Variants in HHIPL1 observed in about 807,000 individuals in gnomAD.
The protein encoded by HHIPL1 is HHIP like 1, also known as HHIP-like protein 1.
A neutral mutation model predicts 61.8 loss-of-function variants in HHIPL1; 43 were observed. That is an observed-to-expected ratio of 0.70 (90% CI 0.55 to 0.90). The LOEUF (loss-of-function observed/expected upper bound fraction) is 0.90, where lower values mean the gene tolerates loss of function less well. HHIPL1 is among the 40% of genes least tolerant of loss of function. The probability of loss-of-function intolerance (pLI) is 0.00; values close to 1 mark genes in which losing one functional copy is unlikely to be tolerated. For synonymous variants in HHIPL1, 482 were observed against 515.8 expected, an observed-to-expected ratio of 0.93 and a Z score of 0.89; for missense variants, 1,056 against 1,157.7, an observed-to-expected ratio of 0.91 and a Z score of 1.28.
chr14:99,627,811 A>AGGTCC, the HHIPL1 span, among the ~76,000 whole-genome samples: 1 of 152,076 alleles, frequency 6.6e-6, no homozygotes, highest in African/African-American at 2.4e-5. The surrounding 1 kb of genome is among the most constrained non-coding windows in gnomAD (Gnocchi z 4.4). Context: ...GCAGCAGGAC[A>AGGTCC]CACAAATGCA....
chr14:99,662,213 ACC>A (rs3070457), intron 5 of HHIPL1, among the ~76,000 whole-genome samples: 1 of 146,150 alleles, frequency 6.8e-6, no homozygotes, highest in Non-Finnish European at 1.5e-5. Flanking sequence ...CTGCACTGCA[ACC>A]CCAGAGAGCC....
the HHIPL1 span, among the ~76,000 whole-genome samples, chr14:99,637,444 T>G: frequency 3.3e-5 from 5 of 151,740 alleles, no homozygotes; most frequent in East Asian, 1.9e-4. Flanking sequence ...TGATGGCGGG[T>G]GCCTCTAATC....
In HHIPL1 at chr14:99,675,175, C is replaced by G. The variant is rs1005153560; in HGVS notation, c.1898C>G (p.Ala633Gly). 2 of 1,122,948 alleles carry G rather than the reference C, an allele frequency of 1.8e-6. No individual in the cohort carries two copies. Among genetic ancestry groups the G allele is most frequent in the African/African-American group, 3.4e-5 (2 of 59,296 alleles). 69.6% of individuals were successfully genotyped at this position (1,122,948 alleles called of 1,614,324 possible). Reference sequence around the variant, plus strand: ...CCCCGCCGAGGGCGCCCCACGGCCGCTCCCCCCGCGCCAACCCCGCGGCCA... The same window carrying G: ...CCCCGCCGAGGGCGCCCCACGGCCGGTCCCCCCGCGCCAACCCCGCGGCCA... ...RAPRRGRPTA[A>G]PPAPTPRPAR... Residue 633 changes from alanine to glycine, a missense_variant, in exon 9 of 9, where the codon GCT becomes GGT. Coordinates refer to ENST00000330710, the MANE Select transcript of HHIPL1 (RefSeq NM_001127258.3). This position sits in a 1 kb window ranked among gnomAD's most constrained non-coding sequence, Gnocchi z 5.4.
chr14:99,637,102 A>G, the HHIPL1 span, among the ~76,000 whole-genome samples: 2,613 of 130,980 alleles, frequency 0.02, 256 homozygotes, highest in African/African-American at 0.07. Flanking sequence ...GAAGGAAGGA[A>G]AAAAGAAAGA....
chr14:99,652,526 G>A lies in HHIPL1; in HGVS notation c.558G>A (p.Leu186=). 1 of 1,613,532 alleles carries A rather than the reference G, an allele frequency of 6.2e-7. No homozygotes were observed. The highest frequency in any genetic ancestry group is 8.5e-7 in the Non-Finnish European group (1 of 1,180,034). The change falls in exon 2 of 9, where the codon CTG becomes CTA. Residue 186 remains leucine (L), a synonymous_variant. Coordinates refer to ENST00000330710, the MANE Select transcript of HHIPL1 (RefSeq NM_001127258.3). The stretch of plus-strand genomic sequence containing the variant: ...CCAAGGGCTGCCTGCAGCTGTGCCT[G>A]GAGGAGGTGGCCAACGGGCTGCGCA... ...ADAKGCLQLC[L]EEVANGLRNP...
chr14:99,656,828 AAAGAAAGAAAGG>A (rs1251339971), intron 2 of HHIPL1, among the ~76,000 whole-genome samples, 160 bp from the exon 3 acceptor site: 2 of 12,272 alleles, frequency 1.6e-4, no homozygotes, highest in African/African-American at 2.3e-4. Flanking sequence ...AGAAAGAAAG[AAAGAAAGAAAGG>A]AAGGAAGGAA....
chr14:99,606,845 C>G, the HHIPL1 span, among the ~76,000 whole-genome samples: 236 of 152,068 alleles, frequency 1.6e-3, no homozygotes, highest in African/African-American at 5.5e-3. Context: ...CAGGACAGGA[C>G]CAGAGGAGGT....
chr14:99,646,265 C>A (rs182092598), intron 1 of HHIPL1, among the ~76,000 whole-genome samples: 7 of 152,366 alleles, frequency 4.6e-5, no homozygotes, highest in Admixed American at 2.6e-4. Flanking sequence ...TGGAGCAGGA[C>A]GGGCAGCCCC....
At position 99,668,227 on chromosome 14, in the gene HHIPL1, C is replaced by T; in HGVS notation, c.1654C>T (p.Leu552=). 1 of 1,604,852 alleles carries T rather than the reference C, an allele frequency of 6.2e-7. No homozygotes were observed. Among genetic ancestry groups the T allele is most frequent in the South Asian group, 1.1e-5 (1 of 90,896 alleles). The change falls in exon 7 of 9, where the codon CTG becomes TTG. Residue 552 remains leucine (L), a synonymous_variant. Transcript: ENST00000330710. This position sits in a 1 kb window ranked among gnomAD's most constrained non-coding sequence, Gnocchi z 4.7. ...TCACTTTGTTCTGTCCAAAGGGGAGCTGTACTTCATGTCGACAGGGGAGCC... is the reference window on the plus strand; with the variant it reads ...TCACTTTGTTCTGTCCAAAGGGGAGTTGTACTTCATGTCGACAGGGGAGCC... ...ISFGEDEAGE[L]YFMSTGEPSA...
rs2056418371 is a variant in HHIPL1, at chr14:99,679,309, T to G, written c.*3683T>G. The G allele has an allele frequency of 6.6e-6, 1 of 152,374 alleles. No homozygotes were observed. The highest frequency in any genetic ancestry group is 1.5e-5 in the Non-Finnish European group (1 of 68,144). 9.4% of individuals were successfully genotyped at this position (152,374 alleles called of 1,614,324 possible). A position where few individuals can be genotyped will look rare whatever the true frequency, so the allele number is the denominator to read the frequency against. ...CACATGTGACTCTGTCCCCAGGGAC[T>G]CCGATCTTGCCTTAAAGTCCTCCAG... On this transcript the variant is annotated 3_prime_UTR_variant, in exon 9 of 9. Transcript: ENST00000330710.
At chr14:99,613,348 CA>C in the HHIPL1 span, among the ~76,000 whole-genome samples, 2 of 150,724 alleles carry the variant, frequency 1.3e-5, no homozygotes, top group Non-Finnish European at 2.9e-5. Context: ...TTTTTTTAGA[CA>C]GAGTCTCACT....
Position 99,652,725 on chromosome 14 carries a change from G to A in HHIPL1, c.757G>A (p.Gly253Ser). 6.2e-7 allele frequency: 1 copy of A among 1,614,024 alleles called. No individual in the cohort carries two copies. The highest frequency in any genetic ancestry group is 8.5e-7 in the Non-Finnish European group (1 of 1,180,040). Residue 253 changes from glycine to serine, a missense_variant, in exon 2 of 9, where the codon GGC (glycine) becomes AGC (serine). Gly to Ser is a moderately conservative substitution (Grantham distance 56, BLOSUM62 0). Transcript: ENST00000330710. ...GGAGGGTGACGAGCGTGGCTTCCTGGGCATTGCCTTCCACCCCAGCTTCCA... is the reference window on the plus strand; with the variant it reads ...GGAGGGTGACGAGCGTGGCTTCCTGAGCATTGCCTTCCACCCCAGCTTCCA... ...PWEGDERGFLGIAFHPSFQHN... is the reference protein window; with the variant it reads ...PWEGDERGFLSIAFHPSFQHN...
At chr14:99,669,236 C>T in intron 7 of HHIPL1, 1 of 1,146,426 alleles carries the variant, frequency 8.7e-7, no homozygotes. Flanking sequence ...GGAGCAGAGA[C>T]TCAGGAACAC....
chr14:99,664,914 T>C (rs867996198), intron 6 of HHIPL1, among the ~76,000 whole-genome samples: 21 of 124,198 alleles, frequency 1.7e-4, no homozygotes, highest in African/African-American at 4.1e-4. Context: ...ATTTTTTTTT[T>C]CTTTTTTTTT....
the HHIPL1 span, among the ~76,000 whole-genome samples, chr14:99,613,144 T>C: frequency 1.8e-4 from 28 of 151,926 alleles, no homozygotes; most frequent in Non-Finnish European, 7.4e-5. Context: ...TGGGCGAGGC[T>C]GGCCTGAAAT....
At position 99,652,708 on chromosome 14, in the gene HHIPL1, A is replaced by G; in HGVS notation, c.740A>G (p.Asp247Gly). 1.2e-6 allele frequency: 2 copies of G among 1,614,034 alleles called. No homozygotes were observed. The highest frequency in any genetic ancestry group is 8.5e-7 in the Non-Finnish European group (1 of 1,180,038). ...GTGCTCACCTCGCCCTGGGAGGGTGACGAGCGTGGCTTCCTGGGCATTGCC... is the reference window on the plus strand; with the variant it reads ...GTGCTCACCTCGCCCTGGGAGGGTGGCGAGCGTGGCTTCCTGGGCATTGCC... ...RVVLTSPWEGDERGFLGIAFH... is the reference protein window; with the variant it reads ...RVVLTSPWEGGERGFLGIAFH... Residue 247 changes from aspartate (D) to glycine (G), a missense_variant, in exon 2 of 9, where the codon GAC (aspartate) becomes GGC (glycine). By Grantham distance (94) the Asp-to-Gly change is moderately conservative. Coordinates refer to ENST00000330710, the MANE Select transcript of HHIPL1 (RefSeq NM_001127258.3).
At chr14:99,631,765 C>T in the HHIPL1 span, among the ~76,000 whole-genome samples, 8 of 152,278 alleles carry the variant, frequency 5.3e-5, no homozygotes, top group East Asian at 5.8e-4. Flanking sequence ...TACATGTGTG[C>T]GCCACCATGC....
intron 8 of HHIPL1, among the ~76,000 whole-genome samples, chr14:99,672,945 C>T (rs974239438): frequency 6.6e-6 from 1 of 152,320 alleles, no homozygotes; most frequent in Non-Finnish European, 1.5e-5. Flanking sequence ...AAAATCCCCC[C>T]ATCCACTCAT....
intron 1 of HHIPL1, among the ~76,000 whole-genome samples, chr14:99,647,952 A>T (rs2055868220): frequency 6.6e-6 from 1 of 152,130 alleles, no homozygotes; most frequent in Non-Finnish European, 1.5e-5. Context: ...CTCCCCTGTG[A>T]CTGGGGTTGC....
Sources: gnomAD v4.1 joint callset for allele counts (sites outside exome capture counted in the v4.1 genomes callset) on GRCh38, gnomAD v4.1.1 for gene constraint, Gnocchi (gnomAD v3.1) non-coding constraint, MANE v1.5 for transcripts, NCBI Gene and HGNC (gene_info 2026-07-23, HGNC 2026-07-21) for gene names.